The following RAB33B variants were observed in gnomAD, a reference collection of about 807,000 sequenced individuals.
RAB33B encodes the protein ras-related protein Rab-33B.
In RAB33B, 6 loss-of-function variants were observed where a neutral mutation model predicts 15.0. The observed-to-expected ratio is 0.40, with a 90% confidence interval of 0.22 to 0.79. RAB33B has a LOEUF of 0.79. Ranked by LOEUF, RAB33B falls within the 30% of genes least tolerant of loss-of-function variation. The pLI is 0.37. For missense variants in RAB33B, 257 were observed against 296.4 expected, an observed-to-expected ratio of 0.87 and a Z score of 0.98; for synonymous variants, 117 against 108.3, an observed-to-expected ratio of 1.08 and a Z score of -0.50.
At chr4:139,472,063 T>C (rs1346261886) in intron 1 of RAB33B, among the ~76,000 whole-genome samples, 1 of 152,228 alleles carries the variant, frequency 6.6e-6, no homozygotes, top group African/African-American at 2.4e-5. Flanking sequence ...TTGATTTCTG[T>C]ATCTGATCTT....
At position 139,475,395 on chromosome 4, in the gene RAB33B, AC is replaced by A. The variant is rs911074120; in HGVS notation, c.*2270del. ...TGTAAGGAATTAAGTAATATCCTTT[AC>A]AGTTCTGTGAAAGGACTTATTTTTT... On this transcript the variant is annotated 3_prime_UTR_variant, in exon 2 of 2. Transcript: ENST00000305626. 2 of 151,988 alleles carry A rather than the reference AC, an allele frequency of 1.3e-5. No individual in the cohort carries two copies. The highest frequency in any genetic ancestry group is 2.9e-5 in the Non-Finnish European group (2 of 67,910). 9.4% of individuals were successfully genotyped at this position (151,988 alleles called of 1,614,324 possible). A position where few individuals can be genotyped will look rare whatever the true frequency, so the allele number is the denominator to read the frequency against.
chr4:139,444,283 C>T, the RAB33B span, among the ~76,000 whole-genome samples: 4 of 152,158 alleles, frequency 2.6e-5, no homozygotes, highest in Admixed American at 6.5e-5. Flanking sequence ...CCACTATGAG[C>T]GAGCTGGAAA....
chr4:139,455,321 C>T (rs1487571285), intron 1 of RAB33B, among the ~76,000 whole-genome samples: 1 of 152,174 alleles, frequency 6.6e-6, no homozygotes, highest in Non-Finnish European at 1.5e-5. Flanking sequence ...GATGCCACTC[C>T]TTAAAACATA....
chr4:139,443,372 T>C, the RAB33B span, among the ~76,000 whole-genome samples: 1 of 152,226 alleles, frequency 6.6e-6, no homozygotes, highest in East Asian at 1.9e-4. Flanking sequence ...GCAAGGAGTT[T>C]AGTGACTCTA....
chr4:139,460,224 A>G (rs1750145949), intron 1 of RAB33B, among the ~76,000 whole-genome samples: 1 of 152,202 alleles, frequency 6.6e-6, no homozygotes, highest in Admixed American at 6.6e-5. Flanking sequence ...GCTCTGTAAC[A>G]TTATGATTTA....
In RAB33B at chr4:139,473,039, C is replaced by T; in HGVS notation, c.603C>T (p.Ser201=). 6.2e-7 allele frequency: 1 copy of T among 1,614,100 alleles called. No individual in the cohort carries two copies. ...IFMTLAHKLK[S]HKPLMLSQPP... ...TGACCTTGGCTCATAAGCTTAAGAGCCACAAACCATTAATGCTTAGTCAGC... is the reference window on the plus strand; with the variant it reads ...TGACCTTGGCTCATAAGCTTAAGAGTCACAAACCATTAATGCTTAGTCAGC... The change falls in exon 2 of 2, where the codon AGC becomes AGT. Residue 201 remains serine (S), a synonymous_variant. Coordinates refer to ENST00000305626, the MANE Select transcript of RAB33B (RefSeq NM_031296.3).
chr4:139,471,443 A>G (rs532258806), intron 1 of RAB33B, among the ~76,000 whole-genome samples: 8 of 150,288 alleles, frequency 5.3e-5, no homozygotes, highest in Non-Finnish European at 1.2e-4. Context: ...TGTTTTTTCT[A>G]TCTCTTCAGT....
the RAB33B span, among the ~76,000 whole-genome samples, chr4:139,446,098 C>T: frequency 2.0e-5 from 3 of 152,142 alleles, no homozygotes; most frequent in Non-Finnish European, 4.4e-5. Context: ...GTGGTATATA[C>T]GTGATCAGGC....
intron 1 of RAB33B, among the ~76,000 whole-genome samples, chr4:139,469,069 A>G (rs191578406): frequency 3.3e-5 from 5 of 152,212 alleles, no homozygotes; most frequent in Non-Finnish European, 7.4e-5. Flanking sequence ...TTGGTGTTCT[A>G]TAACTTTCTT....
chr4:139,439,186 G>A, the RAB33B span, among the ~76,000 whole-genome samples: 7 of 152,114 alleles, frequency 4.6e-5, no homozygotes, highest in African/African-American at 1.7e-4. Context: ...ATTTTTAGTA[G>A]AGATGGGGTT....
chr4:139,452,726 A>AT (rs1166928788), upstream of RAB33B: 1 of 152,154 alleles, frequency 6.6e-6, no homozygotes, highest in Non-Finnish European at 1.5e-5. Flanking sequence ...GCTTTTGCAA[A>AT]TTCCTGGCAA....
At chr4:139,451,165 C>A (rs560946985), upstream of RAB33B, 1 of 151,962 alleles carries the variant, frequency 6.6e-6, no homozygotes, top group Non-Finnish European at 1.5e-5. Context: ...TCCCAAAGTG[C>A]TGGGATTACA....
chr4:139,445,174 A>C, the RAB33B span, among the ~76,000 whole-genome samples: 1 of 152,250 alleles, frequency 6.6e-6, no homozygotes, highest in South Asian at 2.1e-4. Flanking sequence ...GTAGCCATTG[A>C]CTTGGCAAAT....
intron 1 of RAB33B, among the ~76,000 whole-genome samples, chr4:139,471,652 T>G: frequency 6.6e-6 from 1 of 152,124 alleles, no homozygotes; most frequent in East Asian, 1.9e-4. Flanking sequence ...TTGTTCAGGC[T>G]GGTCTTAAAC....
chr4:139,447,161 A>G, the RAB33B span, among the ~76,000 whole-genome samples: 32 of 152,250 alleles, frequency 2.1e-4, no homozygotes, highest in African/African-American at 7.5e-4. Flanking sequence ...ATGCTCATGG[A>G]ATTCACTGGT....
chr4:139,457,468 A>G (rs902636328), intron 1 of RAB33B, among the ~76,000 whole-genome samples: 8 of 152,196 alleles, frequency 5.3e-5, no homozygotes, highest in African/African-American at 1.4e-4. Flanking sequence ...CCGGCCTCCC[A>G]TTAGAGGTCA....
intron 1 of RAB33B, among the ~76,000 whole-genome samples, chr4:139,459,615 A>G (rs1750131312): frequency 6.9e-6 from 1 of 145,486 alleles, no homozygotes; most frequent in South Asian, 2.2e-4. Flanking sequence ...GACTTCTTTC[A>G]GTGTCTAGTT....
rs552710104 is a variant in RAB33B at position 139,474,959 on chromosome 4, A to T, written c.*1833A>T. ...TCTAGTTTAAGATTTTTGTTTAATC[A>T]TCATGGTGGTCCTACCTGGATAATT... On this transcript the variant is annotated 3_prime_UTR_variant, in exon 2 of 2. Transcript: ENST00000305626. The T allele has an allele frequency of 5.6e-4, 86 of 152,540 alleles. No individual in the cohort carries two copies. The highest frequency in any genetic ancestry group is 2.0e-3 in the African/African-American group (85 of 41,582). The allele number at this position is 152,540 out of a possible 1,614,324, so 9.4% of individuals were successfully genotyped here.
the RAB33B span, among the ~76,000 whole-genome samples, chr4:139,445,975 ATG>A: frequency 6.6e-6 from 1 of 152,166 alleles, no homozygotes; most frequent in African/African-American, 2.4e-5. Context: ...ACGTTTGACT[ATG>A]TGTCATCAAG....
Sources: allele counts gnomAD v4.1 joint callset (sites outside exome capture counted in the v4.1 genomes callset), GRCh38; gene constraint gnomAD v4.1.1; transcripts MANE v1.5; gene names NCBI Gene and HGNC (gene_info 2026-07-23, HGNC 2026-07-21).